FUT8: variants seen among roughly 807,000 people sequenced by gnomAD.
FUT8 encodes fucosyltransferase 8.
In FUT8, 29 loss-of-function variants were observed where a neutral mutation model predicts 71.3. That is an observed-to-expected ratio of 0.41 (90% CI 0.30 to 0.55). The LOEUF (loss-of-function observed/expected upper bound fraction) is 0.55. Among genes scored for constraint, FUT8 ranks in the 20% least tolerant of loss-of-function variants. FUT8 has a pLI of 0.34. For missense variants in FUT8, 544 were observed against 702.1 expected, an observed-to-expected ratio of 0.77 and a Z score of 2.55; for synonymous variants, 254 against 239.3, an observed-to-expected ratio of 1.06 and a Z score of -0.57.
rs998065925 is a variant in FUT8 at position 65,412,997 on chromosome 14, C to G, written c.-543C>G. 1.3e-5 allele frequency: 2 copies of G among 153,134 alleles called. No homozygotes were observed. The highest frequency in any genetic ancestry group is 4.8e-5 in the African/African-American group (2 of 41,478). The allele number at this position is 153,134 out of a possible 1,614,324, so 9.5% of individuals were successfully genotyped here. A position where few individuals can be genotyped will look rare whatever the true frequency, so the allele number is the denominator to read the frequency against. ...GCGCTGTCAGCGACTGCCCGGCTCG[C>G]GCCGCCTCGCGCTCTGCCTCAGTCA... On this transcript the variant is annotated 5_prime_UTR_variant, in exon 1 of 11. Coordinates refer to ENST00000673929, the MANE Select transcript of FUT8 (RefSeq NM_001371533.1).
At chr14:65,655,253 C>A (rs1219666853) in intron 6 of FUT8, among the ~76,000 whole-genome samples, 1 of 151,704 alleles carries the variant, frequency 6.6e-6, no homozygotes, top group Non-Finnish European at 1.5e-5. Flanking sequence ...GCGGGCAGAT[C>A]ATGAAGTCAG....
At chr14:65,613,648 A>G (rs1417319623) in intron 3 of FUT8, among the ~76,000 whole-genome samples, 1 of 152,248 alleles carries the variant, frequency 6.6e-6, no homozygotes, top group Non-Finnish European at 1.5e-5. Context: ...ACAATTTTAC[A>G]GGAAATTATA....
chr14:65,600,486 G>A (rs766753514), intron 3 of FUT8, among the ~76,000 whole-genome samples: 2 of 152,086 alleles, frequency 1.3e-5, no homozygotes, highest in Non-Finnish European at 2.9e-5. Context: ...ACAAATAAGC[G>A]CTTACATTAA....
the FUT8 span, among the ~76,000 whole-genome samples, chr14:65,405,209 G>T: frequency 2.0e-5 from 3 of 152,178 alleles, no homozygotes; most frequent in Non-Finnish European, 4.4e-5. Context: ...AAAAATGTAA[G>T]CACTGCACAA....
intron 7 of FUT8, among the ~76,000 whole-genome samples, chr14:65,717,225 C>T (rs1445710652): frequency 3.4e-5 from 3 of 88,376 alleles, no homozygotes; most frequent in Admixed American, 1.2e-4. Flanking sequence ...CCAGACGGGG[C>T]GGCCGGGCAG....
At chr14:65,677,356 G>C (rs1367329281) in intron 7 of FUT8, among the ~76,000 whole-genome samples, 1 of 152,046 alleles carries the variant, frequency 6.6e-6, no homozygotes, top group Non-Finnish European at 1.5e-5. Context: ...ATTCTTAGCA[G>C]TTATTGAAAA....
chr14:65,451,119 G>A (rs1013993656), intron 1 of FUT8, among the ~76,000 whole-genome samples: 4 of 152,202 alleles, frequency 2.6e-5, no homozygotes, highest in African/African-American at 9.7e-5. Context: ...GCCTCCCAAA[G>A]TGCTGGGATT....
At chr14:65,384,405 GC>G in the FUT8 span, among the ~76,000 whole-genome samples, 1 of 152,092 alleles carries the variant, frequency 6.6e-6, no homozygotes, top group Non-Finnish European at 1.5e-5. The surrounding 1 kb of genome is among the most constrained non-coding windows in gnomAD (Gnocchi z 4.2). Flanking sequence ...GCACCACCAT[GC>G]CTGACTAAAA....
chr14:65,634,039 G>T (rs531940901), intron 6 of FUT8, among the ~76,000 whole-genome samples: 1 of 152,290 alleles, frequency 6.6e-6, no homozygotes, highest in African/African-American at 2.4e-5. Flanking sequence ...CCCTCTGCCC[G>T]GCCACCACCC....
At chr14:65,721,391 C>G (rs1456149947) in intron 7 of FUT8, among the ~76,000 whole-genome samples, 1 of 152,100 alleles carries the variant, frequency 6.6e-6, no homozygotes, top group East Asian at 1.9e-4. Flanking sequence ...TAATGAAAAG[C>G]TAGAAGTTTC....
chr14:65,442,413 G>A (rs60613453), intron 1 of FUT8, among the ~76,000 whole-genome samples: 8 of 151,812 alleles, frequency 5.3e-5, no homozygotes, highest in African/African-American at 1.4e-4. Flanking sequence ...CTCATGATCC[G>A]CCTGCTTCAG....
intron 7 of FUT8, among the ~76,000 whole-genome samples, chr14:65,693,792 A>G (rs1893841155): frequency 1.3e-5 from 2 of 152,242 alleles, no homozygotes; most frequent in African/African-American, 2.4e-5. Flanking sequence ...AATGTTTAGT[A>G]GAATTCACCA....
intron 7 of FUT8, among the ~76,000 whole-genome samples, chr14:65,701,322 A>G (rs899058365): frequency 6.6e-6 from 1 of 152,228 alleles, no homozygotes; most frequent in African/African-American, 2.4e-5. Flanking sequence ...GTGTGCTTTA[A>G]TGTTTAATGG....
intron 2 of FUT8, among the ~76,000 whole-genome samples, chr14:65,502,130 C>T (rs1181699714): frequency 2.0e-5 from 3 of 152,128 alleles, no homozygotes; most frequent in African/African-American, 7.2e-5. Context: ...AGGCTGGTCT[C>T]GAACTCCTGG....
At chr14:65,534,804 T>A (rs1884184765) in intron 2 of FUT8, among the ~76,000 whole-genome samples, 1 of 151,580 alleles carries the variant, frequency 6.6e-6, no homozygotes, top group South Asian at 2.1e-4. Flanking sequence ...TATTTGGATC[T>A]TCTCTTTTTT....
At position 65,742,550 on chromosome 14, in the gene FUT8, G is replaced by C; in HGVS notation, c.*140G>C. ...GTAGATACTCTCAGCACCAAGAGCAGCTGGGAACTGACATAGGCTTCAATT... is the reference window on the plus strand; with the variant it reads ...GTAGATACTCTCAGCACCAAGAGCACCTGGGAACTGACATAGGCTTCAATT... On this transcript the variant is annotated 3_prime_UTR_variant, in exon 11 of 11. Transcript: ENST00000673929. The C allele has an allele frequency of 1.4e-6, 1 of 695,102 alleles. No individual in the cohort carries two copies. Among genetic ancestry groups the C allele is most frequent in the Non-Finnish European group, 2.4e-6 (1 of 422,394 alleles). 43.1% of individuals were successfully genotyped at this position (695,102 alleles called of 1,614,324 possible). A position where few individuals can be genotyped will look rare whatever the true frequency, so the allele number is the denominator to read the frequency against.
At chr14:65,404,478 CTTT>C in the FUT8 span, among the ~76,000 whole-genome samples, 4 of 141,226 alleles carry the variant, frequency 2.8e-5, no homozygotes, top group South Asian at 9.5e-4. Context: ...AGCGTTGTTT[CTTT>C]TTTTTTTCTT....
At chr14:65,576,773 G>A (rs1313891857) in intron 3 of FUT8, among the ~76,000 whole-genome samples, 1 of 132,084 alleles carries the variant, frequency 7.6e-6, no homozygotes, top group Non-Finnish European at 1.6e-5. Context: ...AGGATGGAGT[G>A]TAATGGCGCG....
At chr14:65,573,966 C>T (rs1886624349) in intron 3 of FUT8, among the ~76,000 whole-genome samples, 1 of 152,154 alleles carries the variant, frequency 6.6e-6, no homozygotes, top group African/African-American at 2.4e-5. Context: ...GGAGTTCTTG[C>T]ACAGTTTAGG....
Sources: allele counts gnomAD v4.1 joint callset (sites outside exome capture counted in the v4.1 genomes callset), GRCh38; gene constraint gnomAD v4.1.1; non-coding constraint Gnocchi (gnomAD v3.1); transcripts MANE v1.5; gene names NCBI Gene and HGNC (gene_info 2026-07-23, HGNC 2026-07-21).